Variants in DMD observed in about 807,000 individuals in gnomAD.
DMD encodes dystrophin, also known as mutant dystrophin.
In DMD, 63 loss-of-function variants were observed where a neutral mutation model predicts 330.1. That is an observed-to-expected ratio of 0.19 (90% CI 0.16 to 0.24). The LOEUF (loss-of-function observed/expected upper bound fraction) is 0.24, where lower values mean the gene tolerates loss of function less well. Among genes scored for constraint, DMD ranks in the 10% least tolerant of loss-of-function variants. DMD has a pLI of 1.00. For missense variants in DMD, 3,344 were observed against 2,684.1 expected (o/e 1.25, Z -5.43); for synonymous variants, 1,223 against 959.8 (o/e 1.27, Z -5.07).
intron 49 of DMD, among the ~76,000 whole-genome samples, chrX:31,830,886 T>C (rs1444546423): frequency 3.6e-5 from 4 of 111,974 alleles, no homozygotes; most frequent in Admixed American, 2.8e-4. Flanking sequence ...AAATGACTAA[T>C]ATGAGGCATT....
chrX:33,326,602 T>G (rs1012255847), intron 1 of DMD, among the ~76,000 whole-genome samples: 4 of 112,057 alleles, frequency 3.6e-5, no homozygotes, highest in Non-Finnish European at 7.5e-5. Flanking sequence ...AAGATTAGAC[T>G]GAGCACATGG....
chrX:31,934,280 G>A (rs1030437729), intron 45 of DMD, among the ~76,000 whole-genome samples: 36 of 111,184 alleles, frequency 3.2e-4, no homozygotes, highest in African/African-American at 1.1e-3. Context: ...CTACAGTTGC[G>A]ATCATTCTGT....
At chrX:32,183,081 A>G (rs2096932932) in intron 44 of DMD, among the ~76,000 whole-genome samples, 1 of 112,021 alleles carries the variant, frequency 8.9e-6, no homozygotes. Flanking sequence ...TCCCAAAGGT[A>G]CAGCCAGAGT....
intron 7 of DMD, among the ~76,000 whole-genome samples, chrX:32,712,712 AT>A (rs1228631477): frequency 9.0e-6 from 1 of 111,072 alleles, no homozygotes; most frequent in East Asian, 2.8e-4. Context: ...GAGGTTATTG[AT>A]TTTTTATTAC....
intron 60 of DMD, among the ~76,000 whole-genome samples, chrX:31,429,650 C>T (rs1026622867): frequency 4.5e-5 from 5 of 111,574 alleles, no homozygotes; most frequent in African/African-American, 1.6e-4. Context: ...GAACTTCTTG[C>T]AGAATCAATT....
At chrX:31,436,219 G>A (rs1296714364) in intron 60 of DMD, among the ~76,000 whole-genome samples, 2 of 111,838 alleles carry the variant, frequency 1.8e-5, no homozygotes, top group African/African-American at 3.2e-5. Context: ...AATAGTTCCC[G>A]ATTAAAACAA....
intron 50 of DMD, among the ~76,000 whole-genome samples, chrX:31,815,457 AAG>A (rs1556913815): frequency 5.4e-5 from 6 of 110,128 alleles, no homozygotes; most frequent in Non-Finnish European, 1.1e-4. Context: ...CTCAAAAAAA[AAG>A]AGAGAGAGAG....
intron 60 of DMD, among the ~76,000 whole-genome samples, chrX:31,440,995 C>T: frequency 8.9e-6 from 1 of 111,983 alleles, no homozygotes; most frequent in Middle Eastern, 4.6e-3. Context: ...TTACAGACAG[C>T]TAAAAAACTA....
chrX:31,833,271 G>GGGGA (rs2093096797), intron 49 of DMD, among the ~76,000 whole-genome samples: 1 of 73,694 alleles, frequency 1.4e-5, no homozygotes, highest in Non-Finnish European at 2.5e-5. Context: ...GGGGAGGAAG[G>GGGGA]GGGAGAGAGA....
chrX:31,776,657 CAAGGCAGG>C (rs1207768519), intron 50 of DMD, among the ~76,000 whole-genome samples: 2 of 106,473 alleles, frequency 1.9e-5, no homozygotes, highest in South Asian at 4.2e-4. Flanking sequence ...CAAGGCAAGA[CAAGGCAGG>C]AAGGCAGGAA....
chrX:31,607,087 C>T (rs921641462), intron 55 of DMD, among the ~76,000 whole-genome samples: 2 of 111,774 alleles, frequency 1.8e-5, no homozygotes, highest in African/African-American at 6.5e-5. Flanking sequence ...TACTCCTCCT[C>T]TATAGGAATA....
rs2065196171 is a variant in DMD at position 32,711,589 on chromosome X, C to T, written c.650-12296G>A. Reference sequence around the variant, plus strand: ...TTTCATAAGTCTGGATTTAATCTCTCACTTTTAAACATTTTATTACAAAAG... The same window carrying T: ...TTTCATAAGTCTGGATTTAATCTCTTACTTTTAAACATTTTATTACAAAAG... On this transcript the variant is annotated intron_variant, in intron 7 of 78. Coordinates refer to ENST00000357033, the MANE Select transcript of DMD (RefSeq NM_004006.3). 2.7e-5 allele frequency among the ~76,000 whole-genome samples: 3 copies of T among 111,989 alleles called. No homozygotes were observed. In the Admixed American group the frequency reaches 2.9e-4, roughly 11 times the overall value.
At chrX:31,506,787 CTCTT>C (rs753992117) in intron 56 of DMD, among the ~76,000 whole-genome samples, 64 of 112,261 alleles carry the variant, frequency 5.7e-4, no homozygotes, top group African/African-American at 2.1e-3. Context: ...GCTATAGTCT[CTCTT>C]TAACTGTAGG....
At chrX:31,447,453 C>T (rs951551138) in intron 59 of DMD, among the ~76,000 whole-genome samples, 1 of 109,707 alleles carries the variant, frequency 9.1e-6, no homozygotes, top group Non-Finnish European at 1.9e-5. Context: ...ACCTTCTGCT[C>T]CCATCAGTTG....
At chrX:33,142,429 T>C (rs1340435601) in intron 1 of DMD, among the ~76,000 whole-genome samples, 1 of 113,097 alleles carries the variant, frequency 8.8e-6, no homozygotes, top group African/African-American at 3.2e-5. Context: ...ATTTTTACTT[T>C]GAATAATCAA....
chrX:32,022,580 T>C (rs1267756370), intron 44 of DMD, among the ~76,000 whole-genome samples: 1 of 112,186 alleles, frequency 8.9e-6, no homozygotes, highest in East Asian at 2.8e-4. Context: ...TATTGAGACT[T>C]TGAAATCTAT....
intron 25 of DMD, among the ~76,000 whole-genome samples, chrX:32,459,170 C>CA (rs1220591410): frequency 1.8e-5 from 2 of 109,614 alleles, no homozygotes; most frequent in Non-Finnish European, 3.8e-5. Context: ...TATCACAAAA[C>CA]AAAAAAAATA....
intron 2 of DMD, among the ~76,000 whole-genome samples, chrX:32,999,152 A>T (rs1404704146): frequency 8.9e-6 from 1 of 112,753 alleles, no homozygotes; most frequent in Non-Finnish European, 1.9e-5. Flanking sequence ...CGATAGCAGT[A>T]GGGAAAATTT....
At chrX:32,457,055 TA>T (rs2098363071) in intron 25 of DMD, among the ~76,000 whole-genome samples, 1 of 96,898 alleles carries the variant, frequency 1.0e-5, no homozygotes, top group East Asian at 3.2e-4. Flanking sequence ...TGGGTGGTAA[TA>T]GGGGGAAAAA....
Sources: gnomAD v4.1 joint callset for allele counts (sites outside exome capture counted in the v4.1 genomes callset) on GRCh38, gnomAD v4.1.1 for gene constraint, MANE v1.5 for transcripts, NCBI Gene and HGNC (gene_info 2026-07-23, HGNC 2026-07-21) for gene names.